Variants in CALN1 observed in about 807,000 individuals in gnomAD.
CALN1 encodes calneuron 1.
A neutral mutation model predicts 30.6 loss-of-function variants in CALN1; 17 were observed. That is an observed-to-expected ratio of 0.56 (90% CI 0.38 to 0.83). The LOEUF (loss-of-function observed/expected upper bound fraction) is 0.83, where lower values mean the gene tolerates loss of function less well. CALN1 is among the 40% of genes least tolerant of loss of function. The pLI is 0.00. For missense variants in CALN1, 291 were observed against 354.9 expected (o/e 0.82, Z 1.45); for synonymous variants, 156 against 131.4 (o/e 1.19, Z -1.28).
In CALN1 at chr7:71,985,179, C is replaced by T. The variant is rs571545022; in HGVS notation, c.501+38478G>A. On this transcript the variant is annotated intron_variant, in intron 5 of 6. Transcript: ENST00000395275. ...AGAGAACCCAACTGGCCAATAAAGA[C>T]GGGGAAATGTTCAGCCTCTCTGAAG... Among the ~76,000 whole-genome samples the T allele has an allele frequency of 8.6e-5, 13 of 151,982 alleles. 1 individual carries two copies. Among genetic ancestry groups the T allele is most frequent in the East Asian group, 5.8e-4 (3 of 5,138 alleles).
At chr7:71,854,964 C>T (rs893590455) in intron 5 of CALN1, among the ~76,000 whole-genome samples, 27 of 152,272 alleles carry the variant, frequency 1.8e-4, no homozygotes, top group Admixed American at 1.6e-3. Flanking sequence ...CGATGCTAAC[C>T]CTGTCTGGAC....
At chr7:72,020,396 C>T (rs1800635878) in intron 5 of CALN1, among the ~76,000 whole-genome samples, 1 of 152,178 alleles carries the variant, frequency 6.6e-6, no homozygotes, top group African/African-American at 2.4e-5. Flanking sequence ...AAAAACCACC[C>T]AAGCACTGGG....
At chr7:72,319,683 C>G (rs2129557165) in intron 2 of CALN1, among the ~76,000 whole-genome samples, 1 of 152,282 alleles carries the variant, frequency 6.6e-6, no homozygotes, top group South Asian at 2.1e-4. Context: ...GCACAATATA[C>G]TATGTTAACA....
chr7:72,288,219 G>C (rs762326600), intron 2 of CALN1, among the ~76,000 whole-genome samples: 2 of 152,076 alleles, frequency 1.3e-5, no homozygotes, highest in Non-Finnish European at 2.9e-5. Flanking sequence ...GTTCACGTGA[G>C]TTGGGAGCAC....
At chr7:72,026,085 G>A (rs844782) in intron 4 of CALN1, among the ~76,000 whole-genome samples, 8 of 152,232 alleles carry the variant, frequency 5.3e-5, no homozygotes, top group African/African-American at 7.2e-5. Flanking sequence ...GCTGGTAATC[G>A]TAAGAAAGCT....
chr7:72,367,276 C>CAGG (rs1455513319), intron 2 of CALN1, among the ~76,000 whole-genome samples: 3 of 151,962 alleles, frequency 2.0e-5, no homozygotes, highest in African/African-American at 7.3e-5. Context: ...TGCTTGAGGC[C>CAGG]AGGAGTTCGA....
At chr7:72,009,139 T>C (rs1054496813) in intron 5 of CALN1, among the ~76,000 whole-genome samples, 28 of 152,256 alleles carry the variant, frequency 1.8e-4, no homozygotes, top group African/African-American at 6.3e-4. Context: ...GTTTATGAAC[T>C]AGCAAGCCTA....
intron 6 of CALN1, among the ~76,000 whole-genome samples, chr7:71,805,956 A>T (rs1787583292): frequency 6.6e-6 from 1 of 152,206 alleles, no homozygotes; most frequent in South Asian, 2.1e-4. Flanking sequence ...TGGAGCTCGA[A>T]GCCATCATCC....
the CALN1 span, among the ~76,000 whole-genome samples, chr7:72,478,086 G>GGAT: frequency 0.05 from 7,672 of 152,010 alleles, 234 homozygotes; most frequent in African/African-American, 0.068. Flanking sequence ...GAATGAAAAT[G>GGAT]GATGATGATG....
At chr7:72,397,341 T>C (rs1386727847) in intron 2 of CALN1, among the ~76,000 whole-genome samples, 2 of 152,024 alleles carry the variant, frequency 1.3e-5, no homozygotes, top group African/African-American at 4.8e-5. Context: ...TTCTAGAAGA[T>C]GACAAGATCA....
At chr7:72,205,559 T>TACATAC (rs1791789986) in intron 3 of CALN1, among the ~76,000 whole-genome samples, 2 of 77,570 alleles carry the variant, frequency 2.6e-5, no homozygotes, top group African/African-American at 1.3e-4. Flanking sequence ...AAAATATATA[T>TACATAC]ATATATATGT....
chr7:72,119,384 G>A (rs540955643), intron 3 of CALN1, among the ~76,000 whole-genome samples: 51 of 152,172 alleles, frequency 3.4e-4, no homozygotes, highest in African/African-American at 1.0e-3. Flanking sequence ...TGAGAACAGC[G>A]CAGGAAAGAC....
intron 5 of CALN1, among the ~76,000 whole-genome samples, chr7:71,888,006 C>T (rs1035742951): frequency 2.6e-5 from 4 of 152,064 alleles, no homozygotes; most frequent in African/African-American, 9.7e-5. Flanking sequence ...GTGCATTAAA[C>T]TTGCAACCAT....
intron 5 of CALN1, among the ~76,000 whole-genome samples, chr7:71,948,893 A>T (rs1796545318): frequency 6.6e-6 from 1 of 151,258 alleles, no homozygotes; most frequent in African/African-American, 2.4e-5. Flanking sequence ...AAATTTAAAA[A>T]ATAGCCAGGC....
At chr7:72,243,254 T>C (rs1020551883) in intron 3 of CALN1, among the ~76,000 whole-genome samples, 1 of 152,238 alleles carries the variant, frequency 6.6e-6, no homozygotes, top group African/African-American at 2.4e-5. Flanking sequence ...GGCAGCCATC[T>C]GCAAACCAGG....
chr7:72,103,998 A>G (rs1267906189), intron 4 of CALN1: 1 of 152,500 alleles, frequency 6.6e-6, no homozygotes, highest in African/African-American at 2.4e-5. Context: ...TTTCTTCCTT[A>G]GAATCCCCTT....
At chr7:72,410,005 AAG>A (rs1176958050) in intron 1 of CALN1, among the ~76,000 whole-genome samples, 2 of 152,152 alleles carry the variant, frequency 1.3e-5, no homozygotes, top group Non-Finnish European at 1.5e-5. Flanking sequence ...AACCCACAAA[AAG>A]AATTTATTTT....
At chr7:71,996,022 C>T (rs1420681932) in intron 5 of CALN1, among the ~76,000 whole-genome samples, 1 of 152,204 alleles carries the variant, frequency 6.6e-6, no homozygotes, top group Admixed American at 6.5e-5. Context: ...TCAAGAAGCA[C>T]CAGGAGGAAC....
intron 5 of CALN1, among the ~76,000 whole-genome samples, chr7:71,948,417 G>A (rs190300986): frequency 2.0e-5 from 3 of 152,240 alleles, no homozygotes; most frequent in African/African-American, 7.2e-5. Context: ...TCATACATGT[G>A]ACACTGAGCT....
Sources: allele counts gnomAD v4.1 joint callset (sites outside exome capture counted in the v4.1 genomes callset), GRCh38; gene constraint gnomAD v4.1.1; transcripts MANE v1.5; gene names NCBI Gene and HGNC (gene_info 2026-07-23, HGNC 2026-07-21).